PPP1R3B: variants seen among roughly 807,000 people sequenced by gnomAD.
The protein encoded by PPP1R3B is PP1 subunit R4.
In PPP1R3B, 8 loss-of-function variants were observed where a neutral mutation model predicts 14.6. That is an observed-to-expected ratio of 0.55 (90% CI 0.32 to 0.99). The LOEUF is 0.99. Ranked by LOEUF, PPP1R3B falls within the 50% of genes least tolerant of loss-of-function variation. The pLI is 0.04. For synonymous variants in PPP1R3B, 169 were observed against 142.0 expected, an observed-to-expected ratio of 1.19 and a Z score of -1.35; for missense variants, 452 against 360.1, an observed-to-expected ratio of 1.26 and a Z score of -2.07.
rs201047791 is a variant in PPP1R3B, at chr8:9,140,848, C to T, written c.804G>A (p.Leu268=). Residue 268 remains leucine, a synonymous_variant, in exon 2 of 2, where the codon CTG becomes CTA. Coordinates refer to ENST00000310455, the MANE Select transcript of PPP1R3B (RefSeq NM_024607.4). ...CTAAGTAACTTGGCCACTCTGGAAACAGACCATAGGAACACCGAGGGCTTC... is the reference window on the plus strand; with the variant it reads ...CTAAGTAACTTGGCCACTCTGGAAATAGACCATAGGAACACCGAGGGCTTC... ...QFGSPRCSYG[L]FPEWPSYLGY... The T allele has an allele frequency of 4.7e-5, 76 of 1,614,166 alleles. No homozygotes were observed. The highest frequency in any genetic ancestry group is 5.9e-5 in the Non-Finnish European group (70 of 1,180,030).
chr8:9,141,519 C>T lies in PPP1R3B; in HGVS notation c.133G>A (p.Glu45Lys). The T allele has an allele frequency of 6.2e-7, 1 of 1,614,192 alleles. No homozygotes were observed. The highest frequency in any genetic ancestry group is 8.5e-7 in the Non-Finnish European group (1 of 1,180,038). Residue 45 changes from glutamate (E) to lysine (K), a missense_variant, in exon 2 of 2, where the codon GAA becomes AAA. Transcript: ENST00000310455. ...RPCIQLSSKNEASGMVAPAVQ... is the reference protein window; with the variant it reads ...RPCIQLSSKNKASGMVAPAVQ... ...GCCGGGGCCACCATTCCACTGGCTTCATTCTTGCTGCTCAGCTGAATACAA... is the reference window on the plus strand; with the variant it reads ...GCCGGGGCCACCATTCCACTGGCTTTATTCTTGCTGCTCAGCTGAATACAA...
Position 9,141,483 on chromosome 8 carries a change from T to C in PPP1R3B, c.169A>G (p.Lys57Glu). 1.2e-6 allele frequency: 2 copies of C among 1,614,092 alleles called. No individual in the cohort carries two copies. The highest frequency in any genetic ancestry group is 2.2e-5 in the South Asian group (2 of 91,082). ...SGMVAPAVQEKKVKKRVSFAD... is the reference protein window; with the variant it reads ...SGMVAPAVQEEKVKKRVSFAD... ...AAGGACACCCGCTTTTTCACCTTCT[T>C]CTCCTGGACAGCCGGGGCCACCATT... is the stretch of plus-strand genomic sequence containing the variant. Residue 57 changes from lysine to glutamate, a missense_variant, in exon 2 of 2, where the codon AAG (lysine) becomes GAG (glutamate). By Grantham distance (56) the Lys-to-Glu change is moderately conservative. Coordinates refer to ENST00000310455, the MANE Select transcript of PPP1R3B (RefSeq NM_024607.4).
At chr8:9,147,543 A>T (rs1801277703) in intron 1 of PPP1R3B, among the ~76,000 whole-genome samples, 1 of 151,992 alleles carries the variant, frequency 6.6e-6, no homozygotes, top group African/African-American at 2.4e-5. Context: ...GAAACTCTCA[A>T]GATATTGTGG....
chr8:9,146,827 G>T (rs1801253815), intron 1 of PPP1R3B, among the ~76,000 whole-genome samples: 1 of 151,926 alleles, frequency 6.6e-6, no homozygotes, highest in African/African-American at 2.4e-5. Flanking sequence ...GGTTTGCAGA[G>T]GTTCCACGGA....
At position 9,141,347 on chromosome 8, in the gene PPP1R3B, A is replaced by C; in HGVS notation, c.305T>G (p.Leu102Trp). 6.2e-7 allele frequency: 1 copy of C among 1,614,216 alleles called. No homozygotes were observed. Among genetic ancestry groups the C allele is most frequent in the South Asian group, 1.1e-5 (1 of 91,086 alleles). Residue 102 changes from leucine (L) to tryptophan (W), a missense_variant, in exon 2 of 2, where the codon TTG becomes TGG. Transcript: ENST00000310455. Reference protein sequence around the residue: ...ITELLDNIVSLTTAESESFVL... With the variant: ...ITELLDNIVSWTTAESESFVL... ...AAAGCTCTCGCTCTCTGCTGTCGTC[A>C]AGCTCACAATGTTGTCTAGGAGCTC... is the stretch of plus-strand genomic sequence containing the variant.
intron 1 of PPP1R3B, among the ~76,000 whole-genome samples, chr8:9,145,030 A>G (rs1417644131): frequency 6.6e-6 from 1 of 152,206 alleles, no homozygotes; most frequent in African/African-American, 2.4e-5. Flanking sequence ...GCAGGCGGGG[A>G]GCCATCATGG....
chr8:9,145,674 A>G (rs963081118), intron 1 of PPP1R3B, among the ~76,000 whole-genome samples: 3 of 152,204 alleles, frequency 2.0e-5, no homozygotes, highest in African/African-American at 4.8e-5. Context: ...AATGCAGAGA[A>G]AAAAGACTAG....
rs1157051120 is a variant in PPP1R3B at position 9,138,183 on chromosome 8, AG to A, written c.*2610del. On this transcript the variant is annotated 3_prime_UTR_variant, in exon 2 of 2. Transcript: ENST00000310455. ...ATGAAATCAGTTTTGCTTCCATTTG[AG>A]TTCGATTTATGCTATTAATAGTTCT... The A allele has an allele frequency of 1.3e-5, 2 of 152,168 alleles. No homozygotes were observed. The highest frequency in any genetic ancestry group is 2.9e-5 in the Non-Finnish European group (2 of 68,030). 9.4% of individuals were successfully genotyped at this position (152,168 alleles called of 1,614,324 possible). A position where few individuals can be genotyped will look rare whatever the true frequency, so the allele number is the denominator to read the frequency against.
At chr8:9,147,550 G>A (rs908340034) in intron 1 of PPP1R3B, among the ~76,000 whole-genome samples, 4 of 152,012 alleles carry the variant, frequency 2.6e-5, no homozygotes, top group African/African-American at 9.7e-5. Context: ...TCAAGATATT[G>A]TGGAAACAGC....
chr8:9,141,595 T>C lies in PPP1R3B; in HGVS notation c.57A>G (p.Gln19=), dbSNP rs1480870144. The part of the protein sequence containing the change: ...RYNCMAPSLR[Q]ERFAFKISPK... Reference sequence around the variant, plus strand: ...GTGAGATCTTAAAGGCAAACCTCTCTTGGCGCAAGGAAGGAGCCATGCAGT... The same window carrying C: ...GTGAGATCTTAAAGGCAAACCTCTCCTGGCGCAAGGAAGGAGCCATGCAGT... The change falls in exon 2 of 2, where the codon CAA becomes CAG. Residue 19 remains glutamine (Q), a synonymous_variant. Transcript: ENST00000310455. The C allele has an allele frequency of 1.9e-6, 3 of 1,614,046 alleles. No individual in the cohort carries two copies. In the South Asian group the frequency reaches 3.3e-5, roughly 18 times the overall value.
chr8:9,141,842 G>A, intron 1 of PPP1R3B, 174 bp from the exon 2 acceptor site: 1 of 244,342 alleles, frequency 4.1e-6, no homozygotes, highest in Non-Finnish European at 7.8e-6. Context: ...ATGCGTTTGA[G>A]AGAAGATTAT....
At chr8:9,149,263 G>A (rs1345544910) in intron 1 of PPP1R3B, among the ~76,000 whole-genome samples, 2 of 150,016 alleles carry the variant, frequency 1.3e-5, no homozygotes, top group Admixed American at 6.7e-5. Flanking sequence ...CACTTTGGGA[G>A]GCCGAGGCGG....
At chr8:9,150,982 T>C (rs1801410516), upstream of PPP1R3B, among the ~76,000 whole-genome samples, 1 of 152,154 alleles carries the variant, frequency 6.6e-6, no homozygotes, top group Admixed American at 6.5e-5. Context: ...TTTGGAGAAG[T>C]CTCCAGACCT....
intron 1 of PPP1R3B, 63 bp downstream of exon 1, chr8:9,150,500 G>A (rs973648228): frequency 6.5e-6 from 1 of 152,678 alleles, no homozygotes; most frequent in Admixed American, 6.5e-5. Context: ...CGTCCAGTTT[G>A]ACCAGGGCTG....
At position 9,137,102 on chromosome 8, in the gene PPP1R3B, ACT is replaced by A. The variant is rs2117586194; in HGVS notation, c.*3690_*3691del. ...AAAGGTAAATTAAATTCTCCCATTG[ACT>A]CTGACATTGTTTTAATTTCTGGAGA... On this transcript the variant is annotated 3_prime_UTR_variant, in exon 2 of 2. Coordinates refer to ENST00000310455, the MANE Select transcript of PPP1R3B (RefSeq NM_024607.4). The A allele has an allele frequency of 6.6e-6, 1 of 152,204 alleles. No individual in the cohort carries two copies. Among genetic ancestry groups the A allele is most frequent in the Non-Finnish European group, 1.5e-5 (1 of 68,004 alleles). 9.4% of individuals were successfully genotyped at this position (152,204 alleles called of 1,614,324 possible).
chr8:9,141,122 C>G lies in PPP1R3B; in HGVS notation c.530G>C (p.Cys177Ser), dbSNP rs776676309. Residue 177 changes from cysteine to serine, a missense_variant, in exon 2 of 2, where the codon TGT (cysteine) becomes TCT (serine). Transcript: ENST00000310455. ...GGCATAAGTGTCCTTCACGTACTGA[C>G]AAGGAAAGTCTGTGTAGCTCTTCCA... ...DTWKSYTDFP[C>S]QYVKDTYAGS... 1 of 1,614,194 alleles carries G rather than the reference C, an allele frequency of 6.2e-7. No individual in the cohort carries two copies. Among genetic ancestry groups the G allele is most frequent in the Non-Finnish European group, 8.5e-7 (1 of 1,180,042 alleles).
At chr8:9,142,816 C>T (rs1020927277) in intron 1 of PPP1R3B, among the ~76,000 whole-genome samples, 2 of 152,170 alleles carry the variant, frequency 1.3e-5, no homozygotes, top group African/African-American at 2.4e-5. Context: ...AGGTTCATCC[C>T]CGTTGGCACA....
At chr8:9,146,384 C>T (rs573156470) in intron 1 of PPP1R3B, among the ~76,000 whole-genome samples, 1 of 152,274 alleles carries the variant, frequency 6.6e-6, no homozygotes, top group African/African-American at 2.4e-5. Flanking sequence ...ATGGCCACCC[C>T]TGAGAAGTGA....
chr8:9,146,433 C>T (rs866884703), intron 1 of PPP1R3B, among the ~76,000 whole-genome samples: 3 of 152,216 alleles, frequency 2.0e-5, no homozygotes, highest in South Asian at 4.1e-4. Flanking sequence ...AGAGCTGGGA[C>T]CACTGGTTCA....
Sources: gnomAD v4.1 joint callset for allele counts (sites outside exome capture counted in the v4.1 genomes callset) on GRCh38, gnomAD v4.1.1 for gene constraint, MANE v1.5 for transcripts, NCBI Gene and HGNC (gene_info 2026-07-23, HGNC 2026-07-21) for gene names.